Variants in MTHFD1L observed in about 807,000 individuals in gnomAD.
MTHFD1L encodes the protein methylenetetrahydrofolate dehydrogenase (NADP+ dependent) 1 like.
In MTHFD1L, 81 loss-of-function variants were observed where a neutral mutation model predicts 119.5. That is an observed-to-expected ratio of 0.68 (90% CI 0.57 to 0.82). MTHFD1L has a LOEUF of 0.82. Ranked by LOEUF, MTHFD1L falls within the 40% of genes least tolerant of loss-of-function variation. The pLI, the probability that MTHFD1L is intolerant of heterozygous loss-of-function variation, is 0.00. For missense variants in MTHFD1L, 1,125 were observed against 1,253.4 expected, an observed-to-expected ratio of 0.90 and a Z score of 1.55; for synonymous variants, 430 against 475.2, an observed-to-expected ratio of 0.90 and a Z score of 1.24.
intron 17 of MTHFD1L, 107 bp from the exon 18 acceptor site, chr6:150,960,166 TAG>T: frequency 7.2e-7 from 1 of 1,392,252 alleles, no homozygotes; most frequent in Non-Finnish European, 9.6e-7. Flanking sequence ...CTTTTGAGGG[TAG>T]ACTCTCTGGG....
intron 17 of MTHFD1L, among the ~76,000 whole-genome samples, chr6:150,958,179 A>G (rs980868223): frequency 2.6e-5 from 4 of 152,182 alleles, no homozygotes; most frequent in African/African-American, 9.6e-5. Flanking sequence ...AAAAGGGGTT[A>G]TAGTGTATTT....
In MTHFD1L at chr6:150,971,945, AG is replaced by A; in HGVS notation, c.2016del. Reference sequence around the variant, plus strand: ...TTTTGATTTGCTTTTTCACTTCTCTAGGGGACACCTGTGTTCGTGCATGCGG... The same window carrying A: ...TTTTGATTTGCTTTTTCACTTCTCTAGGGACACCTGTGTTCGTGCATGCGG... On this transcript the variant is annotated splice_acceptor_variant, in intron 19 of 27. Transcript: ENST00000367321. LOFTEE classifies it high-confidence loss of function. 1 of 1,613,492 alleles carries A rather than the reference AG, an allele frequency of 6.2e-7. No homozygotes were observed. Among genetic ancestry groups the A allele is most frequent in the African/African-American group, 1.3e-5 (1 of 74,982 alleles).
At chr6:150,880,897 A>G (rs1262314797) in intron 4 of MTHFD1L, among the ~76,000 whole-genome samples, 1 of 152,006 alleles carries the variant, frequency 6.6e-6, no homozygotes, top group Non-Finnish European at 1.5e-5. Flanking sequence ...CCTTTGGGAG[A>G]TGTCTGTTCA....
intron 8 of MTHFD1L, among the ~76,000 whole-genome samples, chr6:150,912,472 T>G (rs1787084327): frequency 6.6e-6 from 1 of 152,176 alleles, no homozygotes; most frequent in African/African-American, 2.4e-5. Context: ...TTGGCCAGAC[T>G]GCATAGAAGC....
chr6:151,009,179 A>G (rs1372467745), intron 20 of MTHFD1L, among the ~76,000 whole-genome samples: 1 of 151,524 alleles, frequency 6.6e-6, no homozygotes, highest in Non-Finnish European at 1.5e-5. Flanking sequence ...TCATACTATC[A>G]TTGCCTTTTG....
chr6:151,031,466 G>A (rs1785330653), intron 24 of MTHFD1L, among the ~76,000 whole-genome samples: 1 of 152,228 alleles, frequency 6.6e-6, no homozygotes, highest in African/African-American at 2.4e-5. Flanking sequence ...GCATCTAGAT[G>A]TCAAAGAAGA....
At chr6:150,891,064 C>G (rs777917629) in intron 7 of MTHFD1L, among the ~76,000 whole-genome samples, 3 of 152,214 alleles carry the variant, frequency 2.0e-5, no homozygotes, top group Non-Finnish European at 4.4e-5. Flanking sequence ...CGGCTCACTG[C>G]AACCTCTGTC....
At chr6:150,986,489 T>G (rs980409527) in intron 20 of MTHFD1L, among the ~76,000 whole-genome samples, 4 of 152,198 alleles carry the variant, frequency 2.6e-5, no homozygotes, top group African/African-American at 7.2e-5. Flanking sequence ...TCCGTGGTTT[T>G]GGGATTAAAC....
chr6:151,091,762 T>A (rs1794469816), intron 26 of MTHFD1L, among the ~76,000 whole-genome samples: 1 of 152,138 alleles, frequency 6.6e-6, no homozygotes, highest in African/African-American at 2.4e-5. Context: ...AGTGGTGAAA[T>A]GAGTAATTTG....
At chr6:150,898,908 G>A in intron 7 of MTHFD1L, 1 of 880,376 alleles carries the variant, frequency 1.1e-6, no homozygotes, top group Non-Finnish European at 1.5e-6. Context: ...CGTGATCTAG[G>A]CTCACTGCAA....
At chr6:151,086,608 G>A (rs1793831173) in intron 26 of MTHFD1L, among the ~76,000 whole-genome samples, 1 of 152,016 alleles carries the variant, frequency 6.6e-6, no homozygotes, top group African/African-American at 2.4e-5. Flanking sequence ...GCTTACTGTA[G>A]CCTCGACCTC....
In MTHFD1L at chr6:151,089,293, A is replaced by T. The variant is rs190643376; in HGVS notation, c.2848-3174A>T. On this transcript the variant is annotated intron_variant, in intron 26 of 27. Transcript: ENST00000367321. ...CCAAATCCATAGCTAGGCACAGATT[A>T]TAGAGGCATCTTAAAAAGCCTTCTA... Among the ~76,000 whole-genome samples, 3 of 152,372 alleles carry T rather than the reference A, an allele frequency of 2.0e-5. No individual in the cohort carries two copies. In the East Asian group the frequency reaches 5.8e-4, roughly 29 times the overall value.
At chr6:151,020,246 G>A (rs1362476409) in intron 24 of MTHFD1L, among the ~76,000 whole-genome samples, 1 of 152,208 alleles carries the variant, frequency 6.6e-6, no homozygotes, top group Non-Finnish European at 1.5e-5. Context: ...CTAGAGCCCA[G>A]GGCATGACTG....
At chr6:150,895,982 C>T (rs1187819589) in intron 7 of MTHFD1L, among the ~76,000 whole-genome samples, 3 of 152,112 alleles carry the variant, frequency 2.0e-5, no homozygotes, top group Non-Finnish European at 4.4e-5. Context: ...TCTCAGTGGT[C>T]TTCACACTTA....
chr6:151,087,250 AAAATAAATAAATAAAT>A (rs10684000), intron 26 of MTHFD1L, among the ~76,000 whole-genome samples: 7,898 of 145,436 alleles, frequency 0.054, 304 homozygotes, highest in South Asian at 0.14. Flanking sequence ...GGCCATCTCA[AAAATAAATAAATAAAT>A]AAATAAATAA....
At chr6:151,049,576 CGCTTG>C (rs1788683817) in intron 26 of MTHFD1L, among the ~76,000 whole-genome samples, 1 of 148,342 alleles carries the variant, frequency 6.7e-6, no homozygotes, top group Non-Finnish European at 1.5e-5. Flanking sequence ...GCAGGAGAAT[CGCTTG>C]AACCCAGGAG....
At chr6:151,095,084 GT>G (rs1040185573) in intron 27 of MTHFD1L, among the ~76,000 whole-genome samples, 3 of 152,216 alleles carry the variant, frequency 2.0e-5, no homozygotes, top group East Asian at 1.9e-4. Flanking sequence ...GTTTGTATGT[GT>G]TTTTTGCTGA....
rs1778176334 is a variant in MTHFD1L, at chr6:150,865,713, A to C, written c.-110A>C. On this transcript the variant is annotated 5_prime_UTR_variant, in exon 1 of 28. Coordinates refer to ENST00000367321, the MANE Select transcript of MTHFD1L (RefSeq NM_015440.5). ...GCCCCTGGGACGAGGAGGAAGCGCC[A>C]GGTCCTTCCCGCCGCCGCCGCCGCC... 1.1e-6 allele frequency: 1 copy of C among 873,546 alleles called. No individual in the cohort carries two copies. The highest frequency in any genetic ancestry group is 1.4e-6 in the Non-Finnish European group (1 of 695,682). 54.1% of individuals were successfully genotyped at this position (873,546 alleles called of 1,614,324 possible). A position where few individuals can be genotyped will look rare whatever the true frequency, so the allele number is the denominator to read the frequency against.
At chr6:151,036,119 T>G (rs550352754) in intron 25 of MTHFD1L, among the ~76,000 whole-genome samples, 1 of 152,328 alleles carries the variant, frequency 6.6e-6, no homozygotes, top group South Asian at 2.1e-4. Context: ...AAGGAAATAT[T>G]CCTTAAAAGT....
Sources: allele counts gnomAD v4.1 joint callset (sites outside exome capture counted in the v4.1 genomes callset), GRCh38; gene constraint gnomAD v4.1.1; transcripts MANE v1.5; gene names NCBI Gene and HGNC (gene_info 2026-07-23, HGNC 2026-07-21).